RELL1: variants seen among roughly 807,000 people sequenced by gnomAD.
The protein encoded by RELL1 is RELT-like protein 1.
RELL1 carries 10 observed loss-of-function variants against 23.0 expected under a neutral mutation model. The ratio of observed to expected loss-of-function variants is 0.43; its 90% CI spans 0.27 to 0.74. The LOEUF is 0.74. Ranked by LOEUF, RELL1 falls within the 30% of genes least tolerant of loss-of-function variation. RELL1 has a pLI of 0.19. For missense variants in RELL1, 315 were observed against 364.4 expected, an observed-to-expected ratio of 0.86 and a Z score of 1.10; for synonymous variants, 146 against 146.8, an observed-to-expected ratio of 0.99 and a Z score of 0.04.
At chr4:37,663,199 G>A (rs1297985702) in intron 1 of RELL1, among the ~76,000 whole-genome samples, 1 of 151,950 alleles carries the variant, frequency 6.6e-6, no homozygotes, top group Admixed American at 6.6e-5. Flanking sequence ...TCCCTCTTTC[G>A]CTGCCCCTCC....
At chr4:37,673,152 C>G (rs936861464) in intron 1 of RELL1, among the ~76,000 whole-genome samples, 4 of 150,288 alleles carry the variant, frequency 2.7e-5, no homozygotes, top group Non-Finnish European at 5.9e-5. Context: ...GGCTTTCACA[C>G]CACCAAGCCA....
intron 6 of RELL1, among the ~76,000 whole-genome samples, chr4:37,617,729 G>C (rs939567858): frequency 5.9e-5 from 9 of 152,228 alleles, no homozygotes; most frequent in Non-Finnish European, 8.8e-5. Flanking sequence ...GCTGCAGTGA[G>C]CCGAGATTGC....
intron 6 of RELL1, 139 bp downstream of exon 6, chr4:37,631,246 G>T: frequency 1.1e-6 from 1 of 943,172 alleles, no homozygotes; most frequent in Non-Finnish European, 1.6e-6. Flanking sequence ...GTCCCCCTCA[G>T]TCTTCCTGGG....
At chr4:37,589,813 GT>G (rs1286358564), downstream of RELL1, among the ~76,000 whole-genome samples, 2 of 152,114 alleles carry the variant, frequency 1.3e-5, no homozygotes, top group Non-Finnish European at 2.9e-5. Flanking sequence ...TGTATTTTTA[GT>G]AAAGATGGGG....
At chr4:37,639,383 CAAAAAAAAAAA>C (rs58310167) in intron 3 of RELL1, among the ~76,000 whole-genome samples, 2 of 66,250 alleles carry the variant, frequency 3.0e-5, no homozygotes, top group East Asian at 4.0e-4. Context: ...GACTCTGTCT[CAAAAAAAAAAA>C]AAAAAAAAAA....
intron 1 of RELL1, among the ~76,000 whole-genome samples, chr4:37,659,712 A>G (rs1721251612): frequency 6.6e-6 from 1 of 152,110 alleles, no homozygotes; most frequent in Non-Finnish European, 1.5e-5. Flanking sequence ...GAATTCCACT[A>G]TTCCCCAACC....
Position 37,635,051 on chromosome 4 carries a change from C to T in RELL1, c.516G>A (p.Gly172=). Residue 172 remains glycine, a synonymous_variant, in exon 5 of 7, where the codon GGG becomes GGA. Transcript: ENST00000454158. ...GCAGATGATGGCCACAGACGTGCTT[C>T]CCTGGCGTCCCCCCTGGTGACAAAG... The part of the protein sequence containing the change: ...PGPLSPGGTP[G]KHVCGHHLHT... 2.5e-6 allele frequency: 4 copies of T among 1,614,230 alleles called. No individual in the cohort carries two copies. The highest frequency in any genetic ancestry group is 3.4e-6 in the Non-Finnish European group (4 of 1,180,040).
chr4:37,631,472 G>C lies in RELL1; in HGVS notation c.732C>G (p.Ser244Arg), dbSNP rs778991021. 9.9e-6 allele frequency: 16 copies of C among 1,613,958 alleles called. No individual in the cohort carries two copies. The African/African-American group carries it at 1.2e-4, about 12-fold the overall frequency. The change falls in exon 6 of 7, where the codon AGC becomes AGG. Residue 244 changes from serine to arginine, a missense_variant. Physicochemically the swap from Ser to Arg is moderately radical, Grantham distance 110 (BLOSUM62 -1). Transcript: ENST00000454158. ...TTTCAGCCCCACTAACAGACATCAG[G>C]CTTCTCCGTTCCTTCTGGTTTGACT... The part of the protein sequence containing the change: ...EHKSNQKERR[S>R]LMSVSGAETV...
At chr4:37,640,814 G>A (rs1720506206) in intron 3 of RELL1, among the ~76,000 whole-genome samples, 1 of 151,794 alleles carries the variant, frequency 6.6e-6, no homozygotes, top group Non-Finnish European at 1.5e-5. Flanking sequence ...TGATGGATAT[G>A]GATGGCTGAT....
downstream of RELL1, chr4:37,590,034 A>G: frequency 1.5e-5 from 19 of 1,302,494 alleles, no homozygotes; most frequent in Non-Finnish European, 2.0e-5. Context: ...GGCCTGTGGT[A>G]AAAAGCATTA....
chr4:37,669,161 C>T (rs1197082911), intron 1 of RELL1, among the ~76,000 whole-genome samples: 3 of 112,098 alleles, frequency 2.7e-5, no homozygotes, highest in East Asian at 5.5e-4. Flanking sequence ...CCCGGCCAGC[C>T]GCCCCGTCCG....
intron 1 of RELL1, among the ~76,000 whole-genome samples, chr4:37,655,505 CA>C (rs1721088501): frequency 6.6e-6 from 1 of 152,120 alleles, no homozygotes; most frequent in Non-Finnish European, 1.5e-5. Flanking sequence ...AGCTAAGGGA[CA>C]CCAAAGATTG....
chr4:37,662,295 A>C (rs763280695), intron 1 of RELL1, among the ~76,000 whole-genome samples: 1 of 152,186 alleles, frequency 6.6e-6, no homozygotes, highest in Non-Finnish European at 1.5e-5. Context: ...TTCAACTTAC[A>C]ATCTACTTAC....
At chr4:37,622,993 T>C (rs1719822650) in intron 6 of RELL1, 1 of 367,466 alleles carries the variant, frequency 2.7e-6, no homozygotes, top group Non-Finnish European at 5.3e-6. Context: ...TTAGTAGAGA[T>C]GGGGTTTCAC....
chr4:37,600,780 C>CGTGTGTGTGT (rs71189087), intron 6 of RELL1, among the ~76,000 whole-genome samples: 23,211 of 147,558 alleles, frequency 0.16, 4,019 homozygotes, highest in African/African-American at 0.41. Flanking sequence ...TGGATTTGTG[C>CGTGTGTGTGT]GTGTGTGTGT....
At chr4:37,634,254 A>G (rs1005150014) in intron 5 of RELL1, among the ~76,000 whole-genome samples, 2 of 152,254 alleles carry the variant, frequency 1.3e-5, no homozygotes, top group Non-Finnish European at 2.9e-5. Context: ...AAAAGAAAGC[A>G]GTCAAAGCAA....
At chr4:37,618,047 T>C (rs1481315640) in intron 6 of RELL1, among the ~76,000 whole-genome samples, 2 of 152,140 alleles carry the variant, frequency 1.3e-5, no homozygotes. Context: ...AGGAGCTTAG[T>C]GTATGCAGGG....
At chr4:37,660,789 T>C (rs1721304074) in intron 1 of RELL1, among the ~76,000 whole-genome samples, 1 of 152,114 alleles carries the variant, frequency 6.6e-6, no homozygotes, top group Non-Finnish European at 1.5e-5. Flanking sequence ...CCCAGCACTT[T>C]GGGAGGCCAA....
intron 1 of RELL1, among the ~76,000 whole-genome samples, chr4:37,680,808 T>G (rs1036843093): frequency 3.5e-4 from 53 of 151,786 alleles, no homozygotes; most frequent in African/African-American, 1.2e-3. Flanking sequence ...GGTGGGCGCC[T>G]GTAGTCCCAG....
Sources: allele counts gnomAD v4.1 joint callset (sites outside exome capture counted in the v4.1 genomes callset), GRCh38; gene constraint gnomAD v4.1.1; transcripts MANE v1.5; gene names NCBI Gene and HGNC (gene_info 2026-07-23, HGNC 2026-07-21).